The following SGK1 variants were observed in gnomAD, a reference collection of about 807,000 sequenced individuals.
The protein encoded by SGK1 is serine/threonine-protein kinase Sgk1.
Under a neutral mutation model 64.2 loss-of-function variants are expected in SGK1, and 26 were observed. The observed-to-expected ratio is 0.40, with a 90% confidence interval of 0.30 to 0.56. The LOEUF is 0.56. SGK1 is among the 20% of genes least tolerant of loss of function. The pLI, the probability that SGK1 is intolerant of heterozygous loss-of-function variation, is 0.38. For synonymous variants in SGK1, 265 were observed against 239.7 expected (o/e 1.11, Z -0.98); for missense variants, 519 against 645.6 (o/e 0.80, Z 2.12).
intron 2 of SGK1, among the ~76,000 whole-genome samples, chr6:134,224,604 T>C (rs1776139782): frequency 6.6e-6 from 1 of 152,246 alleles, no homozygotes; most frequent in Non-Finnish European, 1.5e-5. Context: ...TTTCAGTCTA[T>C]ATTTTCTATT....
At chr6:134,225,943 C>CA (rs569538110) in intron 2 of SGK1, among the ~76,000 whole-genome samples, 2,338 of 149,472 alleles carry the variant, frequency 0.016, 48 homozygotes, top group African/African-American at 0.046. Context: ...CAAAAAAAAA[C>CA]AAAAAAACAC....
At chr6:134,254,126 T>TC (rs944046013) in intron 2 of SGK1, among the ~76,000 whole-genome samples, 2 of 146,788 alleles carry the variant, frequency 1.4e-5, no homozygotes, top group Non-Finnish European at 3.0e-5. Context: ...TTTTTTTTTT[T>TC]TCAAAAAAAA....
intron 2 of SGK1, among the ~76,000 whole-genome samples, chr6:134,228,904 C>T (rs1776232097): frequency 7.0e-6 from 1 of 142,750 alleles, no homozygotes; most frequent in Non-Finnish European, 1.5e-5. Flanking sequence ...ACTGCAGTGG[C>T]GCGATCTCCG....
intron 2 of SGK1, among the ~76,000 whole-genome samples, chr6:134,232,411 A>AAGAAAAGAAAGAAAGAG (rs771204086): frequency 9.9e-5 from 3 of 30,308 alleles, no homozygotes; most frequent in Non-Finnish European, 1.4e-4. Flanking sequence ...AAAAGAAAGA[A>AAGAAAAGAAAGAAAGAG]AGAGAAAGAA....
At chr6:134,248,361 T>G (rs749872819) in intron 2 of SGK1, among the ~76,000 whole-genome samples, 4 of 151,408 alleles carry the variant, frequency 2.6e-5, no homozygotes, top group Admixed American at 6.6e-5. Flanking sequence ...TTAACATTGA[T>G]ACAAGGTCAA....
At chr6:134,245,501 C>T (rs1776513045) in intron 2 of SGK1, among the ~76,000 whole-genome samples, 1 of 152,136 alleles carries the variant, frequency 6.6e-6, no homozygotes, top group Non-Finnish European at 1.5e-5. Context: ...AAAATTCTGT[C>T]CTAGAGAAGG....
chr6:134,303,507 G>A lies in SGK1; in HGVS notation c.69+13885C>T, dbSNP rs982660278. On this transcript the variant is annotated intron_variant, in intron 1 of 13. Coordinates refer to ENST00000367858, the MANE Select transcript of SGK1 (RefSeq NM_001143676.3). Reference sequence around the variant, plus strand: ...AGGCCAACACTGTTTGTCTGATCTCGTATTAGGAGTCCTTAATGTTCTTCT... The same window carrying A: ...AGGCCAACACTGTTTGTCTGATCTCATATTAGGAGTCCTTAATGTTCTTCT... Among the ~76,000 whole-genome samples the A allele has an allele frequency of 3.3e-5, 5 of 151,860 alleles. No homozygotes were observed. The East Asian group carries it at 9.7e-4, about 29-fold the overall frequency.
intron 3 of SGK1, chr6:134,175,558 A>G: frequency 1.3e-6 from 2 of 1,551,572 alleles, no homozygotes; most frequent in Non-Finnish European, 1.7e-6. Context: ...TCCGCTCAGC[A>G]GGAAGGACTC....
At position 134,172,693 on chromosome 6, in the gene SGK1, C is replaced by T. The variant is rs1380565663; in HGVS notation, c.916G>A (p.Gly306Ser). Residue 306 changes from glycine to serine, a missense_variant, in exon 9 of 14, where the codon GGC (glycine) becomes AGC (serine). Gly to Ser is a moderately conservative substitution (Grantham distance 56). Coordinates refer to ENST00000367858, the MANE Select transcript of SGK1 (RefSeq NM_001143676.3). ...ACGATGTTCAGTGAATGCAGGTAGCCCAAGGCACTGGCTATTTCAGCAGCA... is the reference window on the plus strand; with the variant it reads ...ACGATGTTCAGTGAATGCAGGTAGCTCAAGGCACTGGCTATTTCAGCAGCA... ...FYAAEIASAL[G>S]YLHSLNIVYR... 1 of 1,613,556 alleles carries T rather than the reference C, an allele frequency of 6.2e-7. No homozygotes were observed. The highest frequency in any genetic ancestry group is 8.5e-7 in the Non-Finnish European group (1 of 1,179,602).
chr6:134,213,721 G>C (rs1775931373), intron 2 of SGK1, among the ~76,000 whole-genome samples: 1 of 152,058 alleles, frequency 6.6e-6, no homozygotes, highest in Non-Finnish European at 1.5e-5. Context: ...ACCAGCGCCT[G>C]GAGTTTGGCT....
At chr6:134,252,497 G>C (rs1234000194) in intron 2 of SGK1, among the ~76,000 whole-genome samples, 2 of 151,024 alleles carry the variant, frequency 1.3e-5, no homozygotes, top group African/African-American at 4.9e-5. Flanking sequence ...TTCTCTCTCT[G>C]TTAGCACAAG....
chr6:134,311,952 G>T lies in SGK1; in HGVS notation c.69+5440C>A, dbSNP rs77852386. ...GACTTGGAGAATCTACCTCTTCATA[G>T]CTAAGGCTATAACAACATCAACAAC... On this transcript the variant is annotated intron_variant, in intron 1 of 13. Coordinates refer to ENST00000367858, the MANE Select transcript of SGK1 (RefSeq NM_001143676.3). 9.4e-3 allele frequency among the ~76,000 whole-genome samples: 1,438 copies of T among 152,264 alleles called. 44 individuals carry two copies. Among genetic ancestry groups the T allele is most frequent in the Admixed American group, 0.066 (1,002 of 15,280 alleles).
chr6:134,292,624 A>T (rs1319326428), intron 1 of SGK1, among the ~76,000 whole-genome samples: 1 of 152,198 alleles, frequency 6.6e-6, no homozygotes, highest in Non-Finnish European at 1.5e-5. Flanking sequence ...GGAATAGGTT[A>T]TATGTTCTAG....
At chr6:134,191,712 A>G (rs1422398338) in intron 3 of SGK1, among the ~76,000 whole-genome samples, 3 of 150,138 alleles carry the variant, frequency 2.0e-5, no homozygotes, top group African/African-American at 7.4e-5. Context: ...TCTGTCGCCC[A>G]GGCTGGAGTG....
At chr6:134,275,519 A>G (rs1375925720) in intron 1 of SGK1, among the ~76,000 whole-genome samples, 1 of 152,242 alleles carries the variant, frequency 6.6e-6, no homozygotes, top group Non-Finnish European at 1.5e-5. Flanking sequence ...TATGACTGAA[A>G]CAATTGGTTC....
rs777015331 is a variant in SGK1, at chr6:134,170,826, C to T, written c.1413G>A (p.Val471=). The change falls in exon 13 of 14, where the codon GTG becomes GTA. Residue 471 remains valine, a splice_region_variant and synonymous_variant. Transcript: ENST00000367858. ...KKITPPFNPN[V]SGPNDLRHFD... Reference sequence around the variant, plus strand: ...ACTTAGAAGAGAGACAGATACTCACCACATTTGGGTTAAAAGGGGGAGTAA... The same window carrying T: ...ACTTAGAAGAGAGACAGATACTCACTACATTTGGGTTAAAAGGGGGAGTAA... The T allele has an allele frequency of 2.5e-6, 4 of 1,579,906 alleles. No homozygotes were observed. The South Asian group carries it at 4.4e-5, about 18-fold the overall frequency.
chr6:134,222,023 G>T (rs1052965687), intron 2 of SGK1, among the ~76,000 whole-genome samples: 9 of 152,140 alleles, frequency 5.9e-5, no homozygotes, highest in Non-Finnish European at 1.3e-4. Context: ...CACTGTACTT[G>T]AGCTACTAGA....
At chr6:134,175,353 C>A (rs927012420) in intron 3 of SGK1, among the ~76,000 whole-genome samples, 1 of 152,142 alleles carries the variant, frequency 6.6e-6, no homozygotes, top group Non-Finnish European at 1.5e-5. Flanking sequence ...CAACCCGAGC[C>A]GGCGGTGCGC....
At chr6:134,201,545 A>G (rs944329069) in intron 3 of SGK1, among the ~76,000 whole-genome samples, 4 of 151,868 alleles carry the variant, frequency 2.6e-5, no homozygotes, top group African/African-American at 9.7e-5. Flanking sequence ...TATTTTTAGT[A>G]GAGACGGGGT....
Sources: allele counts gnomAD v4.1 joint callset (sites outside exome capture counted in the v4.1 genomes callset), GRCh38; gene constraint gnomAD v4.1.1; transcripts MANE v1.5; gene names NCBI Gene and HGNC (gene_info 2026-07-23, HGNC 2026-07-21).